The following LRRC36 variants were observed in gnomAD, a reference collection of about 807,000 sequenced individuals.
LRRC36 encodes leucine rich repeat containing 36.
LRRC36 carries 62 observed loss-of-function variants against 81.1 expected under a neutral mutation model. The observed-to-expected ratio is 0.76, with a 90% confidence interval of 0.62 to 0.94. LRRC36 has a LOEUF of 0.94. Ranked by LOEUF, LRRC36 falls within the 40% of genes least tolerant of loss-of-function variation. The pLI is 0.00. For synonymous variants in LRRC36, 334 were observed against 348.6 expected (o/e 0.96, Z 0.47); for missense variants, 761 against 881.7 (o/e 0.86, Z 1.73).
At chr16:67,368,538 C>G in intron 8 of LRRC36, among the ~76,000 whole-genome samples, 1 of 152,136 alleles carries the variant, frequency 6.6e-6, no homozygotes, top group South Asian at 2.1e-4. Context: ...TACAAGGAAC[C>G]TCAGGGAGGC....
At chr16:67,373,202 T>C (rs772568478) in intron 9 of LRRC36, among the ~76,000 whole-genome samples, 2 of 151,976 alleles carry the variant, frequency 1.3e-5, no homozygotes, top group African/African-American at 4.8e-5. Context: ...AAAAAATAAA[T>C]AAACAAACAA....
At chr16:67,345,813 C>T (rs1218280137) in intron 2 of LRRC36, among the ~76,000 whole-genome samples, 1 of 151,886 alleles carries the variant, frequency 6.6e-6, no homozygotes, top group Non-Finnish European at 1.5e-5. Flanking sequence ...CCCCTTTCCC[C>T]CAGAACCAGC....
At chr16:67,331,065 GAGAA>G (rs1156675210) in intron 1 of LRRC36, among the ~76,000 whole-genome samples, 4 of 113,542 alleles carry the variant, frequency 3.5e-5, no homozygotes, top group African/African-American at 9.9e-5. Context: ...AGATGTGAGA[GAGAA>G]AGAGAGAGAG....
intron 2 of LRRC36, among the ~76,000 whole-genome samples, chr16:67,343,967 C>T (rs1278272731): frequency 6.6e-6 from 1 of 151,918 alleles, no homozygotes; most frequent in South Asian, 2.1e-4. Context: ...CAGGCACCCA[C>T]CACCACACCC....
At position 67,371,142 on chromosome 16, in the gene LRRC36, A is replaced by T. The variant is rs1353948975; in HGVS notation, c.1394A>T (p.Lys465Met). 6.2e-7 allele frequency: 1 copy of T among 1,614,096 alleles called. No homozygotes were observed. Among genetic ancestry groups the T allele is most frequent in the Admixed American group, 1.7e-5 (1 of 60,006 alleles). ...TCAGAACACAGAAAGATTTTTACCA[A>T]GAGGTCACTAAGCCCATCGAAGAGA... ...GTSEHRKIFT[K>M]RSLSPSKRGF... The change falls in exon 9 of 14, where the codon AAG (lysine) becomes ATG (methionine). Residue 465 changes from lysine to methionine, a missense_variant. Lys to Met is a moderately conservative substitution (Grantham distance 95). Transcript: ENST00000329956.
intron 1 of LRRC36, among the ~76,000 whole-genome samples, chr16:67,331,114 A>AGAGAGAGAGAGG (rs2037471135): frequency 7.1e-6 from 1 of 140,322 alleles, no homozygotes; most frequent in African/African-American, 2.6e-5. Context: ...AGAGAGAGAG[A>AGAGAGAGAGAGG]AGACTGAACT....
chr16:67,342,224 A>G lies in LRRC36; in HGVS notation c.198+140A>G, dbSNP rs1459302808. ...TCCCAACTAAATTTAATTATTTCTT[A>G]TAAAATTCTTTCAACTTTGCAGTAT... is the stretch of plus-strand genomic sequence containing the variant. On this transcript the variant is annotated intron_variant, in intron 2 of 13. Transcript: ENST00000329956. 10 of 532,616 alleles carry G rather than the reference A, an allele frequency of 1.9e-5. No individual in the cohort carries two copies. In the East Asian group the frequency reaches 3.5e-4, roughly 19 times the overall value. 33.0% of individuals were successfully genotyped at this position (532,616 alleles called of 1,614,324 possible). A position where few individuals can be genotyped will look rare whatever the true frequency, so the allele number is the denominator to read the frequency against.
intron 13 of LRRC36, among the ~76,000 whole-genome samples, chr16:67,383,431 C>T (rs1328884544): frequency 6.6e-6 from 1 of 152,162 alleles, no homozygotes; most frequent in Non-Finnish European, 1.5e-5. Context: ...CAAATTAACT[C>T]GAAGGACGTG....
At chr16:67,352,572 C>G (rs965575416) in intron 5 of LRRC36, among the ~76,000 whole-genome samples, 2 of 152,046 alleles carry the variant, frequency 1.3e-5, no homozygotes, top group Non-Finnish European at 2.9e-5. Context: ...TCTTTGGGCT[C>G]TCCTGTTTTT....
rs545340891 is a variant in LRRC36, at chr16:67,367,257, A to G, written c.995A>G (p.Asn332Ser). The change falls in exon 8 of 14, where the codon AAT becomes AGT. Residue 332 changes from asparagine to serine, a missense_variant. By Grantham distance (46) the Asn-to-Ser change is conservative. Coordinates refer to ENST00000329956, the MANE Select transcript of LRRC36 (RefSeq NM_018296.6). Reference sequence around the variant, plus strand: ...TTACCTTCAGATGTTGGTCTGGAAAATTATGACAGTTGTTATTCTCAAACT... The same window carrying G: ...TTACCTTCAGATGTTGGTCTGGAAAGTTATGACAGTTGTTATTCTCAAACT... The part of the protein sequence containing the change: ...YQLPSDVGLE[N>S]YDSCYSQTLS... 3.7e-6 allele frequency: 6 copies of G among 1,614,216 alleles called. No individual in the cohort carries two copies. In the African/African-American group the frequency reaches 8.0e-5, roughly 22 times the overall value.
chr16:67,350,370 A>T (rs1291007681), intron 5 of LRRC36, 80 bp downstream of exon 5: 1 of 1,160,942 alleles, frequency 8.6e-7, no homozygotes, highest in Non-Finnish European at 1.3e-6. Flanking sequence ...GGTAAGATGA[A>T]GACACATAGT....
chr16:67,331,204 C>T (rs2037475037), intron 1 of LRRC36, among the ~76,000 whole-genome samples: 2 of 152,074 alleles, frequency 1.3e-5, no homozygotes, highest in African/African-American at 4.8e-5. Context: ...ACCTAATCAC[C>T]TCTTAGAGGC....
In LRRC36 at chr16:67,328,516, AAAAT is replaced by A. The variant is rs202104478; in HGVS notation, c.70+1596_70+1599del. Reference sequence around the variant, plus strand: ...TGACAGAGTGAGACTCCGTCTCGAAAAAATAAATAAATAAAATAAAAATTGTACA... The same window carrying A: ...TGACAGAGTGAGACTCCGTCTCGAAAAAATAAATAAAATAAAAATTGTACA... On this transcript the variant is annotated intron_variant, in intron 1 of 13. Transcript: ENST00000329956. Among the ~76,000 whole-genome samples, 24 of 152,240 alleles carry A rather than the reference AAAAT, an allele frequency of 1.6e-4. No homozygotes were observed. The East Asian group carries it at 3.9e-3, about 24-fold the overall frequency.
intron 4 of LRRC36, among the ~76,000 whole-genome samples, chr16:67,347,910 G>A (rs1374332893): frequency 6.6e-6 from 1 of 152,154 alleles, no homozygotes; most frequent in Non-Finnish European, 1.5e-5. Context: ...TCTCAGTAGA[G>A]TTATCAATCA....
At chr16:67,341,201 AAT>A (rs1455180827) in intron 1 of LRRC36, among the ~76,000 whole-genome samples, 1 of 135,296 alleles carries the variant, frequency 7.4e-6, no homozygotes, top group African/African-American at 2.7e-5. Flanking sequence ...ATATAGATTT[AAT>A]ATATGTCATT....
chr16:67,382,225 G>T lies in LRRC36; in HGVS notation c.2023G>T (p.Ala675Ser). ...AQLKKLEKTV[A>S]ILHESQRSLV... ...GCTGAAAAAGCTGGAGAAGACAGTT[G>T]CCATTCTCCATGAAAGTCAGAGGTA... Residue 675 changes from alanine (A) to serine (S), a missense_variant, in exon 13 of 14, where the codon GCC becomes TCC. Transcript: ENST00000329956. 6.2e-6 allele frequency: 10 copies of T among 1,613,968 alleles called. No homozygotes were observed. Among genetic ancestry groups the T allele is most frequent in the Non-Finnish European group, 8.5e-6 (10 of 1,179,888 alleles).
intron 1 of LRRC36, among the ~76,000 whole-genome samples, chr16:67,329,933 T>G (rs2142553750): frequency 6.6e-6 from 1 of 152,102 alleles, no homozygotes; most frequent in South Asian, 2.1e-4. Context: ...TAAAATAAAA[T>G]AAGAATCCGT....
intron 1 of LRRC36, 181 bp downstream of exon 1, chr16:67,327,113 G>C: frequency 1.9e-6 from 1 of 539,358 alleles, no homozygotes; most frequent in Non-Finnish European, 3.1e-6. Context: ...GGAGGTGGAG[G>C]AACTGAAGTA....
At chr16:67,350,924 T>G (rs1413555680) in intron 5 of LRRC36, among the ~76,000 whole-genome samples, 1 of 151,878 alleles carries the variant, frequency 6.6e-6, no homozygotes, top group Non-Finnish European at 1.5e-5. Flanking sequence ...TGTAATCCCA[T>G]CTACTCGGGA....
Sources: allele counts gnomAD v4.1 joint callset (sites outside exome capture counted in the v4.1 genomes callset), GRCh38; gene constraint gnomAD v4.1.1; transcripts MANE v1.5; gene names NCBI Gene and HGNC (gene_info 2026-07-23, HGNC 2026-07-21).